Variants in GALNT17 observed in about 807,000 individuals in gnomAD.
GALNT17 encodes the protein UDP-GalNAc:polypeptide N-acetylgalactosaminyltransferase-like 3.
A neutral mutation model predicts 63.7 loss-of-function variants in GALNT17; 29 were observed. The observed-to-expected ratio is 0.46, with a 90% confidence interval of 0.34 to 0.62. The LOEUF is 0.62. GALNT17 is among the 20% of genes least tolerant of loss of function. The pLI is 0.01. For synonymous variants in GALNT17, 305 were observed against 318.3 expected, an observed-to-expected ratio of 0.96 and a Z score of 0.45; for missense variants, 603 against 799.6, an observed-to-expected ratio of 0.75 and a Z score of 2.97.
intron 1 of GALNT17, among the ~76,000 whole-genome samples, chr7:71,147,769 C>T (rs1380354799): frequency 6.6e-6 from 1 of 152,062 alleles, no homozygotes; most frequent in Non-Finnish European, 1.5e-5. Context: ...GTAGCTGGGA[C>T]TACAAGAGTG....
chr7:71,272,512 T>A (rs1174659071), intron 1 of GALNT17, among the ~76,000 whole-genome samples: 1 of 152,238 alleles, frequency 6.6e-6, no homozygotes, highest in Non-Finnish European at 1.5e-5. Flanking sequence ...GGTATTTTTT[T>A]AAGCCATTCT....
At chr7:71,382,687 T>A (rs1399656021) in intron 2 of GALNT17, among the ~76,000 whole-genome samples, 1 of 152,114 alleles carries the variant, frequency 6.6e-6, no homozygotes, top group African/African-American at 2.4e-5. Flanking sequence ...AAGGTTCTGA[T>A]GAGGTGTGAC....
chr7:71,155,796 A>G (rs932869222), intron 1 of GALNT17, among the ~76,000 whole-genome samples: 3 of 151,818 alleles, frequency 2.0e-5, no homozygotes, highest in Admixed American at 6.6e-5. Flanking sequence ...GACTTCTTTT[A>G]TTCTAATTAA....
chr7:71,386,102 C>T (rs1792938062), intron 2 of GALNT17, among the ~76,000 whole-genome samples: 1 of 152,182 alleles, frequency 6.6e-6, no homozygotes, highest in Non-Finnish European at 1.5e-5. Flanking sequence ...CGTCAATAAT[C>T]ACTGTAATCT....
chr7:71,204,570 CT>C (rs200937071), intron 1 of GALNT17, among the ~76,000 whole-genome samples: 176 of 140,700 alleles, frequency 1.3e-3, no homozygotes, highest in Non-Finnish European at 1.4e-3. Context: ...TTTTCTTTTT[CT>C]TTTTTTTTTT....
chr7:71,146,015 T>G (rs985237086), intron 1 of GALNT17, among the ~76,000 whole-genome samples: 3 of 151,958 alleles, frequency 2.0e-5, no homozygotes, highest in African/African-American at 7.2e-5. Flanking sequence ...CCGTATGGGT[T>G]TTTTTTTAAA....
intron 8 of GALNT17, 67 bp from the exon 9 acceptor site, chr7:71,677,144 C>T: frequency 6.5e-7 from 1 of 1,529,634 alleles, no homozygotes; most frequent in Non-Finnish European, 9.1e-7. Context: ...CATGGTAGAA[C>T]AGTGACTCGG....
intron 5 of GALNT17, among the ~76,000 whole-genome samples, chr7:71,444,108 C>G (rs1466149209): frequency 6.6e-6 from 1 of 152,208 alleles, no homozygotes; most frequent in East Asian, 1.9e-4. Context: ...TGGCTGGCCA[C>G]TCCTTGCCCT....
intron 3 of GALNT17, among the ~76,000 whole-genome samples, chr7:71,398,241 C>T (rs1793175634): frequency 6.6e-6 from 1 of 152,008 alleles, no homozygotes; most frequent in African/African-American, 2.4e-5. Context: ...CAGCATCTTT[C>T]ATTATTCTAG....
At chr7:71,333,346 T>A (rs955708690) in intron 1 of GALNT17, among the ~76,000 whole-genome samples, 2 of 152,214 alleles carry the variant, frequency 1.3e-5, no homozygotes, top group Admixed American at 6.5e-5. Context: ...TCTTTTATAT[T>A]GCCCAATATT....
intron 6 of GALNT17, among the ~76,000 whole-genome samples, chr7:71,573,159 C>G (rs1457698817): frequency 1.3e-5 from 2 of 151,788 alleles, no homozygotes; most frequent in Admixed American, 6.6e-5. Flanking sequence ...CAGGCACGTG[C>G]CACTGCACCT....
rs776707113 is a variant in GALNT17, at chr7:71,669,983, T to G, written c.1278T>G (p.Ile426Met). Reference sequence around the variant, plus strand: ...CTCTCTCCTTTCAGAATCCGGGAATTGACATCGGTGATGTCTCCGAAAGAA... The same window carrying G: ...CTCTCTCCTTTCAGAATCCGGGAATGGACATCGGTGATGTCTCCGAAAGAA... Reference protein sequence around the residue: ...AWNLPLENPGIDIGDVSERRA... With the variant: ...AWNLPLENPGMDIGDVSERRA... The change falls in exon 8 of 11, where the codon ATT becomes ATG. Residue 426 changes from isoleucine to methionine, a missense_variant. By Grantham distance (10) the Ile-to-Met change is conservative. This residue lies in a region of GALNT17 where 336 missense variants were observed against 507.8 expected (regional missense o/e 0.66). Transcript: ENST00000333538. 1.9e-6 allele frequency: 3 copies of G among 1,614,132 alleles called. No individual in the cohort carries two copies. The highest frequency in any genetic ancestry group is 4.5e-5 in the East Asian group (2 of 44,856).
At chr7:71,600,883 C>T (rs936967988) in intron 6 of GALNT17, among the ~76,000 whole-genome samples, 21 of 151,868 alleles carry the variant, frequency 1.4e-4, no homozygotes, top group African/African-American at 5.1e-4. Flanking sequence ...ATACACTGCA[C>T]CATATTTGTT....
intron 5 of GALNT17, among the ~76,000 whole-genome samples, chr7:71,466,957 G>A (rs937956632): frequency 1.3e-5 from 2 of 151,038 alleles, no homozygotes; most frequent in Admixed American, 6.6e-5. Flanking sequence ...TTGGGCACAT[G>A]TGCTCAAGAC....
intron 5 of GALNT17, among the ~76,000 whole-genome samples, chr7:71,521,535 G>A (rs564589758): frequency 1.1e-3 from 168 of 152,320 alleles, no homozygotes; most frequent in African/African-American, 3.7e-3. Context: ...TGCTAATGTG[G>A]CAGCCTTTCT....
chr7:71,351,773 G>T (rs1195111493), intron 2 of GALNT17, among the ~76,000 whole-genome samples: 1 of 152,092 alleles, frequency 6.6e-6, no homozygotes, highest in Non-Finnish European at 1.5e-5. Context: ...TTGTTGTAGT[G>T]CCCCCATTTT....
intron 3 of GALNT17, among the ~76,000 whole-genome samples, chr7:71,405,994 A>G (rs1793321539): frequency 6.6e-6 from 1 of 152,190 alleles, no homozygotes; most frequent in African/African-American, 2.4e-5. Context: ...GGCCAACAGC[A>G]TGTGGCTCTT....
chr7:71,306,716 C>A (rs1791306246), intron 1 of GALNT17, among the ~76,000 whole-genome samples: 1 of 152,198 alleles, frequency 6.6e-6, no homozygotes, highest in South Asian at 2.1e-4. Context: ...GTTTATTCAT[C>A]TGTTGATGGG....
chr7:71,376,266 T>C (rs1187810691), intron 2 of GALNT17, among the ~76,000 whole-genome samples: 1 of 151,868 alleles, frequency 6.6e-6, no homozygotes, highest in African/African-American at 2.4e-5. Flanking sequence ...TAGGATTGAA[T>C]ACTATGTAAG....
Sources: allele counts gnomAD v4.1 joint callset (sites outside exome capture counted in the v4.1 genomes callset), GRCh38; gene constraint gnomAD v4.1.1; regional missense constraint gnomAD v4.1.1; transcripts MANE v1.5; gene names NCBI Gene and HGNC (gene_info 2026-07-23, HGNC 2026-07-21).